PELI2: variants seen among roughly 807,000 people sequenced by gnomAD.
PELI2 encodes E3 ubiquitin-protein ligase pellino homolog 2.
In PELI2, 23 loss-of-function variants were observed where a neutral mutation model predicts 42.3. The ratio of observed to expected loss-of-function variants is 0.54; its 90% confidence interval spans 0.39 to 0.77. PELI2 has a LOEUF of 0.77. PELI2 is among the 30% of genes least tolerant of loss of function. PELI2 has a pLI of 0.00. For synonymous variants in PELI2, 245 were observed against 212.2 expected (o/e 1.15, Z -1.34); for missense variants, 463 against 553.2 (o/e 0.84, Z 1.64).
chr14:56,235,170 A>G (rs12885299), intron 2 of PELI2, among the ~76,000 whole-genome samples: 61,259 of 151,970 alleles, frequency 0.4, 13,067 homozygotes, highest in South Asian at 0.53. Flanking sequence ...AAAAACCACA[A>G]TTTCTTTTGC....
chr14:56,183,647 A>G (rs1327488833), intron 2 of PELI2, among the ~76,000 whole-genome samples: 1 of 152,204 alleles, frequency 6.6e-6, no homozygotes, highest in Non-Finnish European at 1.5e-5. Context: ...GTAAAATTTC[A>G]GTCATTATTG....
intron 2 of PELI2, among the ~76,000 whole-genome samples, chr14:56,214,778 G>C (rs1886838515): frequency 6.6e-6 from 1 of 152,180 alleles, no homozygotes; most frequent in South Asian, 2.1e-4. Flanking sequence ...TTTGAAGTTT[G>C]ATGAGTGGGG....
At chr14:56,214,738 A>G (rs567757737) in intron 2 of PELI2, among the ~76,000 whole-genome samples, 4 of 152,318 alleles carry the variant, frequency 2.6e-5, no homozygotes, top group Admixed American at 2.6e-4. Flanking sequence ...TTTGTAAGAT[A>G]TACATACAAT....
intron 1 of PELI2, among the ~76,000 whole-genome samples, chr14:56,134,135 G>A (rs1883599071): frequency 6.6e-6 from 1 of 152,148 alleles, no homozygotes; most frequent in Non-Finnish European, 1.5e-5. Flanking sequence ...ACAATTGACT[G>A]TCTGGTTATA....
At chr14:56,174,907 A>G (rs1469799964) in intron 1 of PELI2, among the ~76,000 whole-genome samples, 1 of 151,832 alleles carries the variant, frequency 6.6e-6, no homozygotes, top group Non-Finnish European at 1.5e-5. Context: ...TGAACTTCAT[A>G]CTCTCCACAG....
intron 2 of PELI2, among the ~76,000 whole-genome samples, chr14:56,182,167 T>C (rs1012976389): frequency 1.3e-5 from 2 of 152,128 alleles, no homozygotes; most frequent in Non-Finnish European, 2.9e-5. Context: ...AGGAAGGACC[T>C]CTAAAAAAGT....
chr14:56,297,485 G>A lies in PELI2; in HGVS notation c.*319G>A, dbSNP rs758863657. 179 of 259,332 alleles carry A rather than the reference G, an allele frequency of 6.9e-4. No individual in the cohort carries two copies. Among genetic ancestry groups the A allele is most frequent in the Non-Finnish European group, 1.1e-3 (148 of 136,144 alleles). 16.1% of individuals were successfully genotyped at this position (259,332 alleles called of 1,614,324 possible). A position where few individuals can be genotyped will look rare whatever the true frequency, so the allele number is the denominator to read the frequency against. On this transcript the variant is annotated 3_prime_UTR_variant, in exon 6 of 6. Transcript: ENST00000267460. ...AAGTTTTTTTTTTTTTGTAATCTTG[G>A]ACAAGACTTTAAATCATATTTTACA...
chr14:56,269,525 A>G (rs539497872), intron 2 of PELI2, among the ~76,000 whole-genome samples: 4 of 152,318 alleles, frequency 2.6e-5, no homozygotes, highest in East Asian at 1.9e-4. Flanking sequence ...ACAAACTTCA[A>G]TATGAACCTT....
At chr14:56,205,617 T>G (rs374861430) in intron 2 of PELI2, among the ~76,000 whole-genome samples, 58 of 152,314 alleles carry the variant, frequency 3.8e-4, no homozygotes, top group African/African-American at 1.3e-3. Context: ...AATGAATGTT[T>G]GAATAGCAAA....
chr14:56,140,052 C>A (rs561642884), intron 1 of PELI2, among the ~76,000 whole-genome samples: 21 of 151,638 alleles, frequency 1.4e-4, no homozygotes, highest in African/African-American at 4.1e-4. Context: ...GCCTTGTTAA[C>A]GTCTTAGCAC....
At chr14:56,168,497 C>A (rs941838562) in intron 1 of PELI2, among the ~76,000 whole-genome samples, 1 of 152,148 alleles carries the variant, frequency 6.6e-6, no homozygotes. Flanking sequence ...TGCCAATGTT[C>A]CCTTACGGCC....
intron 5 of PELI2, chr14:56,292,859 A>G (rs1393160123): frequency 1.5e-5 from 14 of 923,010 alleles, no homozygotes; most frequent in Non-Finnish European, 1.8e-5. Flanking sequence ...CTAGTTAATG[A>G]TAACATATGG....
Position 56,297,374 on chromosome 14 carries a change from GAAGTCTGCTTGATTAAA to G in PELI2, c.*209_*225del. ...TGCTCAAAACAGCAGCGTCGTCATTGAAGTCTGCTTGATTAAACCATAATATCTTTGTAATAATTGGA... is the reference window on the plus strand; with the variant it reads ...TGCTCAAAACAGCAGCGTCGTCATTGCCATAATATCTTTGTAATAATTGGA... On this transcript the variant is annotated 3_prime_UTR_variant, in exon 6 of 6. Coordinates refer to ENST00000267460, the MANE Select transcript of PELI2 (RefSeq NM_021255.3). 1 of 511,688 alleles carries G rather than the reference GAAGTCTGCTTGATTAAA, an allele frequency of 2.0e-6. No homozygotes were observed. Among genetic ancestry groups the G allele is most frequent in the Non-Finnish European group, 3.5e-6 (1 of 289,192 alleles). The allele number at this position is 511,688 out of a possible 1,614,324, so 31.7% of individuals were successfully genotyped here. A position where few individuals can be genotyped will look rare whatever the true frequency, so the allele number is the denominator to read the frequency against.
intron 2 of PELI2, among the ~76,000 whole-genome samples, chr14:56,195,505 G>T (rs910313083): frequency 6.6e-6 from 1 of 152,216 alleles, no homozygotes; most frequent in Non-Finnish European, 1.5e-5. Flanking sequence ...TCTGAAGCTA[G>T]TTGGGCCTTT....
At chr14:56,279,888 G>A in intron 3 of PELI2, 111 bp downstream of exon 3, 1 of 452,806 alleles carries the variant, frequency 2.2e-6, no homozygotes, top group South Asian at 5.6e-5. Context: ...AAGAGTTGAA[G>A]ATAATATAAA....
intron 2 of PELI2, among the ~76,000 whole-genome samples, chr14:56,189,655 A>C (rs993263938): frequency 9.2e-5 from 14 of 152,348 alleles, no homozygotes; most frequent in African/African-American, 3.1e-4. Flanking sequence ...CTGTTATAAA[A>C]GTTATACATA....
Position 56,145,005 on chromosome 14 carries a change from G to T in PELI2, c.77+26268G>T, listed in dbSNP as rs141696568. ...GGGTTAGAAAAAGACCAAAAGGTGG[G>T]TGTTAGGTTAAGTCCTGGCTTCTAG... On this transcript the variant is annotated intron_variant, in intron 1 of 5. Coordinates refer to ENST00000267460, the MANE Select transcript of PELI2 (RefSeq NM_021255.3). 8.6e-4 allele frequency: 842 copies of T among 977,936 alleles called. 5 individuals are homozygous for T. In the African/African-American group the frequency reaches 0.011, roughly 13 times the overall value. 60.6% of individuals were successfully genotyped at this position (977,936 alleles called of 1,614,324 possible).
At position 56,282,553 on chromosome 14, in the gene PELI2, T is replaced by G. The variant is rs182046023; in HGVS notation, c.309+2776T>G. Among the ~76,000 whole-genome samples, 7 of 152,058 alleles carry G rather than the reference T, an allele frequency of 4.6e-5. No individual in the cohort carries two copies. The South Asian group carries it at 1.5e-3, about 32-fold the overall frequency. ...AGGGAGATATTTTACACTTTTCGAT[T>G]TTTGGAACTATGCGTATGTGTTAGA... On this transcript the variant is annotated intron_variant, in intron 3 of 5. Transcript: ENST00000267460.
At chr14:56,155,642 C>T (rs892195666) in intron 1 of PELI2, among the ~76,000 whole-genome samples, 4 of 149,364 alleles carry the variant, frequency 2.7e-5, no homozygotes, top group Non-Finnish European at 5.9e-5. Context: ...AGTGCAGTGG[C>T]GCGATCTCGG....
Sources: gnomAD v4.1 joint callset for allele counts (sites outside exome capture counted in the v4.1 genomes callset) on GRCh38, gnomAD v4.1.1 for gene constraint, MANE v1.5 for transcripts, NCBI Gene and HGNC (gene_info 2026-07-23, HGNC 2026-07-21) for gene names.